The following COL6A2 variants were observed in gnomAD, a reference collection of about 807,000 sequenced individuals.
COL6A2 encodes collagen alpha-2(VI) chain.
Under a neutral mutation model 124.9 loss-of-function variants are expected in COL6A2, and 90 were observed. That is an observed-to-expected ratio of 0.72 (90% CI 0.61 to 0.86). COL6A2 has a LOEUF of 0.86. Among genes scored for constraint, COL6A2 ranks in the 40% least tolerant of loss-of-function variants. The pLI is 0.00. For missense variants in COL6A2, 1,607 were observed against 1,502.5 expected (o/e 1.07, Z -1.15); for synonymous variants, 793 against 618.2 (o/e 1.28, Z -4.19).
At chr21:46,121,701 C>T (rs917618078) in intron 18 of COL6A2, 83 bp downstream of exon 18, 2 of 1,409,826 alleles carry the variant, frequency 1.4e-6, no homozygotes, top group Non-Finnish European at 2.0e-6. Flanking sequence ...GCCTGGGGGA[C>T]CCTGTTGCCG....
In COL6A2 at chr21:46,112,326, C is replaced by T; in HGVS notation, c.463C>T (p.His155Tyr). The change falls in exon 3 of 28, where the codon CAC (histidine) becomes TAC (tyrosine). Residue 155 changes from histidine to tyrosine, a missense_variant. Coordinates refer to ENST00000300527, the MANE Select transcript of COL6A2 (RefSeq NM_001849.4). ...GCAGGACCGCAGCAAGGGCACCGTCCACTTCGCCGTGGTCATCACCGACGG... is the reference window on the plus strand; with the variant it reads ...GCAGGACCGCAGCAAGGGCACCGTCTACTTCGCCGTGGTCATCACCGACGG... ...IRQDRSKGTVHFAVVITDGHV... is the reference protein window; with the variant it reads ...IRQDRSKGTVYFAVVITDGHV... 1 of 1,611,472 alleles carries T rather than the reference C, an allele frequency of 6.2e-7. No homozygotes were observed. Among genetic ancestry groups the T allele is most frequent in the South Asian group, 1.1e-5 (1 of 91,014 alleles).
chr21:46,126,376 G>C (rs1022769995), intron 26 of COL6A2, 127 bp from the exon 27 acceptor site: 4 of 1,516,918 alleles, frequency 2.6e-6, no homozygotes, highest in Non-Finnish European at 2.7e-6. Context: ...AAGGGGTCGG[G>C]CCCTCTCGGG....
Position 46,122,114 on chromosome 21 carries a change from C to G in COL6A2, c.1528C>G (p.Pro510Ala), listed in dbSNP as rs764022715. 1.9e-6 allele frequency: 3 copies of G among 1,612,634 alleles called. No homozygotes were observed. In the African/African-American group the frequency reaches 4.0e-5, roughly 22 times the overall value. ...DSGQPGPKGD[P>A]GRPGFSYPGP... The stretch of plus-strand genomic sequence containing the variant: ...ACTCAACGTCCTCCTCCAGGGAGAC[C>G]CCGGCAGGCCTGGATTCAGCTACCC... Residue 510 changes from proline (P) to alanine (A), a missense_variant, in exon 19 of 28, where the codon CCC becomes GCC. This residue lies in a region of COL6A2 where 1,223 missense variants were observed against 1,052.2 expected (regional missense o/e 1.16). Coordinates refer to ENST00000300527, the MANE Select transcript of COL6A2 (RefSeq NM_001849.4).
At chr21:46,102,790 CA>C (rs1356656622) in intron 1 of COL6A2, among the ~76,000 whole-genome samples, 1 of 151,564 alleles carries the variant, frequency 6.6e-6, no homozygotes, top group Non-Finnish European at 1.5e-5. Flanking sequence ...CATTTAATTG[CA>C]TCAAATTATA....
chr21:46,123,027 A>G, intron 21 of COL6A2, 90 bp downstream of exon 21: 1 of 1,275,636 alleles, frequency 7.8e-7, no homozygotes, highest in Non-Finnish European at 1.1e-6. Flanking sequence ...AGTACAGGAG[A>G]ACGCCAGGCA....
intron 1 of COL6A2, among the ~76,000 whole-genome samples, chr21:46,099,319 G>T (rs533253918): frequency 6.6e-6 from 1 of 152,216 alleles, no homozygotes; most frequent in East Asian, 1.9e-4. Context: ...AGCCGGGCGT[G>T]GTGGCAGGCA....
chr21:46,132,733 C>G lies in COL6A2; in HGVS notation c.*181C>G, dbSNP rs1568948682. On this transcript the variant is annotated 3_prime_UTR_variant, in exon 28 of 28. Coordinates refer to ENST00000300527, the MANE Select transcript of COL6A2 (RefSeq NM_001849.4). ...GGCCCCCGCCCAGCCCCAGGTCTCCCCAGGCCCTCCGCAGGCTGCCCGGCC... is the reference window on the plus strand; with the variant it reads ...GGCCCCCGCCCAGCCCCAGGTCTCCGCAGGCCCTCCGCAGGCTGCCCGGCC... The G allele has an allele frequency of 3.1e-6, 2 of 646,144 alleles. No individual in the cohort carries two copies. The highest frequency in any genetic ancestry group is 5.5e-5 in the East Asian group (2 of 36,268). 40.0% of individuals were successfully genotyped at this position (646,144 alleles called of 1,614,324 possible).
Position 46,120,435 on chromosome 21 carries a change from C to T in COL6A2, c.1333-80C>T, listed in dbSNP as rs79433633. 93,264 of 1,206,180 alleles carry T rather than the reference C, an allele frequency of 0.077. 4,101 individuals are homozygous for T. The highest frequency in any genetic ancestry group is 0.11 in the Middle Eastern group (395 of 3,644). The allele number at this position is 1,206,180 out of a possible 1,614,324, so 74.7% of individuals were successfully genotyped here. A position where few individuals can be genotyped will look rare whatever the true frequency, so the allele number is the denominator to read the frequency against. On this transcript the variant is annotated intron_variant, in intron 15 of 27. Coordinates refer to ENST00000300527, the MANE Select transcript of COL6A2 (RefSeq NM_001849.4). ...CTCCCAGGCCCCCTTCCCCAACCCC[C>T]GGCCACACCCGCCTCTCACATGGGA...
chr21:46,125,029 TGGA>T (rs1207917159), intron 23 of COL6A2, 109 bp downstream of exon 23: 3 of 1,388,486 alleles, frequency 2.2e-6, no homozygotes, highest in East Asian at 2.3e-5. Context: ...GCAAGATCAG[TGGA>T]GGAGGTCAGA....
In COL6A2 at chr21:46,116,504, C is replaced by G. The variant is rs2078472565; in HGVS notation, c.927+101C>G. The G allele has an allele frequency of 6.3e-7, 1 of 1,583,292 alleles. No homozygotes were observed. Among genetic ancestry groups the G allele is most frequent in the Non-Finnish European group, 8.6e-7 (1 of 1,156,838 alleles). On this transcript the variant is annotated intron_variant, in intron 8 of 27. Coordinates refer to ENST00000300527, the MANE Select transcript of COL6A2 (RefSeq NM_001849.4). The surrounding 1 kb of genome is among the most constrained non-coding windows in gnomAD (Gnocchi z 4.6). ...CCTGTCACTGCTCCTGGGGCACCGG[C>G]CTGGTCTTTTCTCAGTGGTGGCTTT...
Position 46,121,986 on chromosome 21 carries a change from AGAACTC to A in COL6A2, c.1522-119_1522-114del, listed in dbSNP as rs1336064960. On this transcript the variant is annotated intron_variant, in intron 18 of 27. Transcript: ENST00000300527. ...CCCTGCCAGGCCTCTGCTCACAGCC[AGAACTC>A]GACGGCACCCCTAGCCCACTTCCAC... is the stretch of plus-strand genomic sequence containing the variant. 2.5e-5 allele frequency: 26 copies of A among 1,036,660 alleles called. No individual in the cohort carries two copies. The Admixed American group carries it at 5.1e-4, about 20-fold the overall frequency. 64.2% of individuals were successfully genotyped at this position (1,036,660 alleles called of 1,614,324 possible).
chr21:46,126,451 G>A, intron 26 of COL6A2, 52 bp from the exon 27 acceptor site: 4 of 1,609,036 alleles, frequency 2.5e-6, no homozygotes, highest in Non-Finnish European at 3.4e-6. Context: ...GGCCGCTGAG[G>A]GTTCGCTAGG....
Position 46,121,586 on chromosome 21 carries a change from C to T in COL6A2, c.1489C>T (p.Pro497Ser). Residue 497 changes from proline (P) to serine (S), a missense_variant, in exon 18 of 28, where the codon CCC becomes TCC. This residue lies in a region of COL6A2 where 1,223 missense variants were observed against 1,052.2 expected (regional missense o/e 1.16). Transcript: ENST00000300527. Reference sequence around the variant, plus strand: ...TCGGGGAGACCCCGGTGATGCAGGACCCCGTGGAGACTCAGGACAGCCAGG... The same window carrying T: ...TCGGGGAGACCCCGGTGATGCAGGATCCCGTGGAGACTCAGGACAGCCAGG... The part of the protein sequence containing the change: ...GSRGDPGDAG[P>S]RGDSGQPGPK... 1 of 1,612,762 alleles carries T rather than the reference C, an allele frequency of 6.2e-7. No individual in the cohort carries two copies. Among genetic ancestry groups the T allele is most frequent in the Non-Finnish European group, 8.5e-7 (1 of 1,179,930 alleles).
At position 46,116,303 on chromosome 21, in the gene COL6A2, T is replaced by C; in HGVS notation, c.901-74T>C. On this transcript the variant is annotated intron_variant, in intron 7 of 27. Transcript: ENST00000300527. This position sits in a 1 kb window ranked among gnomAD's most constrained non-coding sequence, Gnocchi z 4.6. ...GGCCCACCGAGCACTCCCCTCAGCC[T>C]GCAGGGCTGGCCCTTCCCTGCCTGT... 1 of 1,536,616 alleles carries C rather than the reference T, an allele frequency of 6.5e-7. No homozygotes were observed. The highest frequency in any genetic ancestry group is 9.0e-7 in the Non-Finnish European group (1 of 1,116,126).
rs1051148162 is a variant in COL6A2, at chr21:46,132,521, T to G, written c.3029T>G (p.Phe1010Cys). The change falls in exon 28 of 28, where the codon TTC becomes TGC. Residue 1010 changes from phenylalanine (F) to cysteine (C), a missense_variant. Phe to Cys is a radical substitution (Grantham distance 205, BLOSUM62 -2). Around this residue, in one of 3 missense-constraint regions of COL6A2, gnomAD observed 1,223 missense variants for 1,052.2 expected, o/e 1.16. Transcript: ENST00000300527. ...TATGACAGCCTGGCGCAACCCGGCT[T>G]CTTCGACCGCTTCATCCGCTGGATC... The part of the protein sequence containing the change: ...KDYDSLAQPG[F>C]FDRFIRWIC 27 of 1,605,978 alleles carry G rather than the reference T, an allele frequency of 1.7e-5. No homozygotes were observed. The highest frequency in any genetic ancestry group is 2.2e-5 in the Non-Finnish European group (26 of 1,179,328).
Position 46,129,365 on chromosome 21 carries a change from C to T in COL6A2, c.2462-2589C>T, listed in dbSNP as rs140715835. ...AGCTGGTGGCCGTGCTGGTCTACAC[C>T]GCCGAGCGGGCCAAGTTCGCCACCG... On this transcript the variant is annotated intron_variant, in intron 27 of 27. Coordinates refer to ENST00000300527, the MANE Select transcript of COL6A2 (RefSeq NM_001849.4). The T allele has an allele frequency of 2.0e-5, 33 of 1,612,860 alleles. No homozygotes were observed. Among genetic ancestry groups the T allele is most frequent in the African/African-American group, 6.7e-5 (5 of 74,944 alleles).
Position 46,132,355 on chromosome 21 carries a change from G to A in COL6A2, c.2863G>A (p.Asp955Asn), listed in dbSNP as rs773407652. Residue 955 changes from aspartate (D) to asparagine (N), a missense_variant, in exon 28 of 28, where the codon GAC becomes AAC. Asp to Asn is a conservative substitution (Grantham distance 23, BLOSUM62 1). Transcript: ENST00000300527. ...CCTCACGGACGGCGTCACGGGCAAC[G>A]ACAGTCTGCACGAGTCGGCGCACTC... is the stretch of plus-strand genomic sequence containing the variant. ...VFLTDGVTGNDSLHESAHSMR... is the reference protein window; with the variant it reads ...VFLTDGVTGNNSLHESAHSMR... The A allele has an allele frequency of 4.0e-5, 64 of 1,608,712 alleles. No individual in the cohort carries two copies. Among genetic ancestry groups the A allele is most frequent in the East Asian group, 1.3e-4 (6 of 44,872 alleles).
chr21:46,112,123 T>G lies in COL6A2; in HGVS notation c.260T>G (p.Leu87Arg), dbSNP rs773411842. The G allele has an allele frequency of 9.9e-6, 16 of 1,613,192 alleles. No homozygotes were observed. The highest frequency in any genetic ancestry group is 1.4e-5 in the Non-Finnish European group (16 of 1,180,020). Residue 87 changes from leucine to arginine, a missense_variant, in exon 3 of 28, where the codon CTG becomes CGG. This residue lies in a region of COL6A2 where 342 missense variants were observed against 381.5 expected (regional missense o/e 0.90). Transcript: ENST00000300527. ...FISQLQNEFY[L>R]DQVALSWRYG... ...AGCCAGCTGCAGAACGAGTTCTACC[T>G]GGACCAGGTGGCGCTGAGCTGGCGC...
At chr21:46,112,654 T>G in intron 3 of COL6A2, 77 bp downstream of exon 3, 1 of 1,594,506 alleles carries the variant, frequency 6.3e-7, no homozygotes. Context: ...GGGCCTCACT[T>G]TACCCCTCTG....
Sources: allele counts gnomAD v4.1 joint callset (sites outside exome capture counted in the v4.1 genomes callset), GRCh38; gene constraint gnomAD v4.1.1; regional missense constraint gnomAD v4.1.1; non-coding constraint Gnocchi (gnomAD v3.1); transcripts MANE v1.5; gene names NCBI Gene and HGNC (gene_info 2026-07-23, HGNC 2026-07-21).